The following ETV6 variants were observed in gnomAD, a reference collection of about 807,000 sequenced individuals.
ETV6 encodes transcription factor ETV6.
Under a neutral mutation model 51.1 loss-of-function variants are expected in ETV6, and 16 were observed. The ratio of observed to expected loss-of-function variants is 0.31; its 90% CI spans 0.21 to 0.48. ETV6 has a LOEUF of 0.48. Ranked by LOEUF, ETV6 falls within the 20% of genes least tolerant of loss-of-function variation. The pLI is 0.99. For missense variants in ETV6, 458 were observed against 594.8 expected (o/e 0.77, Z 2.39); for synonymous variants, 240 against 224.1 (o/e 1.07, Z -0.64).
At chr12:11,653,654 T>C (rs560437941) in intron 1 of ETV6, among the ~76,000 whole-genome samples, 104 of 152,238 alleles carry the variant, frequency 6.8e-4, no homozygotes, top group African/African-American at 2.4e-3. Flanking sequence ...CCCTTTCCTC[T>C]TTCTGTCTGC....
chr12:11,840,523 C>T (rs1257231154), intron 3 of ETV6: 6 of 456,046 alleles, frequency 1.3e-5, no homozygotes, highest in South Asian at 9.3e-5. Flanking sequence ...GGCATAGTCC[C>T]TAACTACGTT....
intron 1 of ETV6, among the ~76,000 whole-genome samples, chr12:11,678,675 A>G (rs147684519): frequency 6.6e-6 from 1 of 152,322 alleles, no homozygotes; most frequent in East Asian, 1.9e-4. Context: ...GGCTCACGTG[A>G]TTATGGAGAC....
intron 2 of ETV6, among the ~76,000 whole-genome samples, chr12:11,829,712 A>C (rs1300810052): frequency 6.6e-6 from 1 of 152,222 alleles, no homozygotes; most frequent in Non-Finnish European, 1.5e-5. Context: ...ATTCGAGGGA[A>C]TTGACTGTGA....
chr12:11,703,592 G>A (rs1865022801), intron 1 of ETV6, among the ~76,000 whole-genome samples: 1 of 152,178 alleles, frequency 6.6e-6, no homozygotes, highest in African/African-American at 2.4e-5. Flanking sequence ...CCATTGTGCA[G>A]TTAACTACTC....
Position 11,891,677 on chromosome 12 carries a change from T to G in ETV6, c.*631T>G, listed in dbSNP as rs1365877758. On this transcript the variant is annotated 3_prime_UTR_variant, in exon 8 of 8. Coordinates refer to ENST00000396373, the MANE Select transcript of ETV6 (RefSeq NM_001987.5). ...TTCTCTCTCTTGCTCTGTTCTTCCC[T>G]TGGTCCCCTCTGTCCTCCCGCCCTG... The G allele has an allele frequency of 2.0e-6, 1 of 504,896 alleles. No homozygotes were observed. Among genetic ancestry groups the G allele is most frequent in the Non-Finnish European group, 3.8e-6 (1 of 263,198 alleles). 31.3% of individuals were successfully genotyped at this position (504,896 alleles called of 1,614,324 possible). A position where few individuals can be genotyped will look rare whatever the true frequency, so the allele number is the denominator to read the frequency against.
At chr12:11,888,398 C>CTTTTCTTTTCT (rs753710183) in intron 7 of ETV6, among the ~76,000 whole-genome samples, 3 of 80,686 alleles carry the variant, frequency 3.7e-5, no homozygotes, top group Non-Finnish European at 5.0e-5. Context: ...CTTTTCTTTT[C>CTTTTCTTTTCT]TTTTTTTTTT....
intron 3 of ETV6, among the ~76,000 whole-genome samples, chr12:11,839,568 C>T (rs1946362239): frequency 1.3e-5 from 2 of 152,178 alleles, no homozygotes; most frequent in Non-Finnish European, 2.9e-5. Context: ...AACTTAAGGG[C>T]TCTAACTGTG....
Position 11,891,250 on chromosome 12 carries a change from G to T in ETV6, c.*204G>T. 1 of 519,338 alleles carries T rather than the reference G, an allele frequency of 1.9e-6. No homozygotes were observed. The highest frequency in any genetic ancestry group is 3.4e-6 in the Non-Finnish European group (1 of 290,938). The allele number at this position is 519,338 out of a possible 1,614,324, so 32.2% of individuals were successfully genotyped here. Reference sequence around the variant, plus strand: ...CCAGCACAGGCGGGGCTGGAATTCTGGCGGAGGGCATGAGCCTGGGACTCC... The same window carrying T: ...CCAGCACAGGCGGGGCTGGAATTCTTGCGGAGGGCATGAGCCTGGGACTCC... On this transcript the variant is annotated 3_prime_UTR_variant, in exon 8 of 8. Transcript: ENST00000396373.
rs1250747165 is a variant in ETV6 at position 11,894,213 on chromosome 12, A to T, written c.*3167A>T. The T allele has an allele frequency of 1.3e-5, 3 of 231,198 alleles. No homozygotes were observed. Among genetic ancestry groups the T allele is most frequent in the African/African-American group, 2.2e-5 (1 of 45,228 alleles). The allele number at this position is 231,198 out of a possible 1,614,324, so 14.3% of individuals were successfully genotyped here. A position where few individuals can be genotyped will look rare whatever the true frequency, so the allele number is the denominator to read the frequency against. ...ACCCGGCGTGACTCATTTCAACACTAAGTACTAGGGGTGTTGTCAGGAGAC... is the reference window on the plus strand; with the variant it reads ...ACCCGGCGTGACTCATTTCAACACTTAGTACTAGGGGTGTTGTCAGGAGAC... On this transcript the variant is annotated 3_prime_UTR_variant, in exon 8 of 8. Coordinates refer to ENST00000396373, the MANE Select transcript of ETV6 (RefSeq NM_001987.5).
Position 11,649,753 on chromosome 12 carries a change from A to G in ETV6, c.-375A>G, listed in dbSNP as rs1421678525. On this transcript the variant is annotated 5_prime_UTR_variant, in exon 1 of 8. Coordinates refer to ENST00000396373, the MANE Select transcript of ETV6 (RefSeq NM_001987.5). ...TTCTGCCTTTCAGTTTCTCTCTTCC[A>G]GGAAGGAAAACATTCGAGAGAGCGA... 6.8e-6 allele frequency: 1 copy of G among 147,636 alleles called. No individual in the cohort carries two copies. Among genetic ancestry groups the G allele is most frequent in the African/African-American group, 2.4e-5 (1 of 40,870 alleles). The allele number at this position is 147,636 out of a possible 1,614,324, so 9.1% of individuals were successfully genotyped here.
At chr12:11,786,279 G>C (rs769989071) in intron 2 of ETV6, among the ~76,000 whole-genome samples, 23 of 150,704 alleles carry the variant, frequency 1.5e-4, no homozygotes, top group Non-Finnish European at 3.0e-4. Flanking sequence ...TGAATCTCAG[G>C]TTTTGCAATA....
intron 4 of ETV6, among the ~76,000 whole-genome samples, chr12:11,857,994 T>G (rs1240700699): frequency 1.3e-5 from 2 of 152,244 alleles, no homozygotes; most frequent in African/African-American, 2.4e-5. Flanking sequence ...GTGTCCTGCC[T>G]GGTGTTGCTC....
chr12:11,791,545 C>T (rs193233688), intron 2 of ETV6, among the ~76,000 whole-genome samples: 2 of 152,312 alleles, frequency 1.3e-5, no homozygotes, highest in East Asian at 1.9e-4. Flanking sequence ...TAAGGTCGTG[C>T]ATAAGGGACA....
intron 4 of ETV6, among the ~76,000 whole-genome samples, chr12:11,862,303 G>T (rs1591728651): frequency 6.6e-6 from 1 of 152,144 alleles, no homozygotes; most frequent in East Asian, 1.9e-4. Context: ...GGATGAATAG[G>T]CTGAAATGCC....
chr12:11,738,526 C>G (rs1865752080), intron 1 of ETV6, among the ~76,000 whole-genome samples: 1 of 151,582 alleles, frequency 6.6e-6, no homozygotes, highest in Non-Finnish European at 1.5e-5. Flanking sequence ...AGACTCATCT[C>G]AAACTCCTGG....
chr12:11,708,965 A>C (rs1233525795), intron 1 of ETV6, among the ~76,000 whole-genome samples: 1 of 152,226 alleles, frequency 6.6e-6, no homozygotes, highest in Non-Finnish European at 1.5e-5. Flanking sequence ...ATATCAGCTC[A>C]TGAATGGAGA....
chr12:11,869,331 A>G lies in ETV6; in HGVS notation c.464-93A>G. 9.0e-7 allele frequency: 1 copy of G among 1,108,886 alleles called. No individual in the cohort carries two copies. Among genetic ancestry groups the G allele is most frequent in the Non-Finnish European group, 1.3e-6 (1 of 763,860 alleles). 68.7% of individuals were successfully genotyped at this position (1,108,886 alleles called of 1,614,324 possible). ...AGAAAGGTCCTTTACACATACCTAC[A>G]CGCTCCTCCATTTACCGCCTGTAGA... On this transcript the variant is annotated intron_variant, in intron 4 of 7. Transcript: ENST00000396373. This position sits in a 1 kb window ranked among gnomAD's most constrained non-coding sequence, Gnocchi z 5.0.
At chr12:11,789,519 G>A (rs573236426) in intron 2 of ETV6, among the ~76,000 whole-genome samples, 19 of 152,086 alleles carry the variant, frequency 1.2e-4, no homozygotes, top group Admixed American at 5.2e-4. Context: ...TCTCTCCTTC[G>A]GGTGTGAGTC....
chr12:11,731,246 A>G (rs567131643), intron 1 of ETV6, among the ~76,000 whole-genome samples: 1 of 152,308 alleles, frequency 6.6e-6, no homozygotes, highest in South Asian at 2.1e-4. Context: ...TCGGTGTTGC[A>G]TTGTCAGCAC....
Sources: allele counts gnomAD v4.1 joint callset (sites outside exome capture counted in the v4.1 genomes callset), GRCh38; gene constraint gnomAD v4.1.1; non-coding constraint Gnocchi (gnomAD v3.1); transcripts MANE v1.5; gene names NCBI Gene and HGNC (gene_info 2026-07-23, HGNC 2026-07-21).